The following KCNAB1 variants were observed in gnomAD, a reference collection of about 807,000 sequenced individuals.
KCNAB1 encodes the protein potassium voltage-gated channel subfamily A regulatory beta subunit 1, also known as voltage-gated potassium channel subunit beta-1.
A neutral mutation model predicts 64.6 loss-of-function variants in KCNAB1; 35 were observed. That is an observed-to-expected ratio of 0.54 (90% CI 0.41 to 0.72). KCNAB1 has a LOEUF of 0.72. KCNAB1 is among the 30% of genes least tolerant of loss of function. The probability of loss-of-function intolerance (pLI) is 0.00; values close to 1 mark genes in which losing one functional copy is unlikely to be tolerated. For synonymous variants in KCNAB1, 177 were observed against 183.8 expected (o/e 0.96, Z 0.30); for missense variants, 401 against 512.9 (o/e 0.78, Z 2.11).
At chr3:156,356,497 C>T (rs924819362) in intron 1 of KCNAB1, among the ~76,000 whole-genome samples, 9 of 152,128 alleles carry the variant, frequency 5.9e-5, no homozygotes, top group Non-Finnish European at 1.2e-4. Context: ...CAAAGAGGGG[C>T]GGTGACATCA....
intron 1 of KCNAB1, among the ~76,000 whole-genome samples, chr3:156,335,587 G>C (rs140729045): frequency 3.0e-4 from 46 of 152,240 alleles, no homozygotes; most frequent in African/African-American, 1.1e-3. Flanking sequence ...TCAATATCCA[G>C]ACATTATCTA....
At chr3:156,413,797 G>C (rs1374840480) in intron 1 of KCNAB1, among the ~76,000 whole-genome samples, 2 of 152,224 alleles carry the variant, frequency 1.3e-5, no homozygotes, top group Non-Finnish European at 2.9e-5. Context: ...CACTGTGCTA[G>C]GTGGTGGGAA....
chr3:156,259,096 C>T (rs953612071), intron 1 of KCNAB1, among the ~76,000 whole-genome samples: 7 of 152,192 alleles, frequency 4.6e-5, no homozygotes, highest in African/African-American at 1.4e-4. Context: ...CCTTTGAACA[C>T]CTTTGGGATC....
chr3:156,397,141 C>T (rs928012473), intron 1 of KCNAB1, among the ~76,000 whole-genome samples: 2 of 152,182 alleles, frequency 1.3e-5, no homozygotes, highest in African/African-American at 4.8e-5. Flanking sequence ...TTGAGAACTT[C>T]ATGACATCAT....
intron 1 of KCNAB1, among the ~76,000 whole-genome samples, chr3:156,398,273 A>G (rs1713615858): frequency 1.3e-5 from 2 of 152,072 alleles, no homozygotes; most frequent in Non-Finnish European, 2.9e-5. Context: ...TAGGACAAAT[A>G]CCTAATGCAT....
chr3:156,142,065 G>T (rs1714735357), intron 1 of KCNAB1, among the ~76,000 whole-genome samples: 1 of 152,106 alleles, frequency 6.6e-6, no homozygotes, highest in Admixed American at 6.5e-5. Flanking sequence ...TGAAATGTTT[G>T]TTCATATCTT....
At chr3:156,385,186 A>T (rs537113803) in intron 1 of KCNAB1, among the ~76,000 whole-genome samples, 9 of 152,310 alleles carry the variant, frequency 5.9e-5, no homozygotes, top group African/African-American at 2.2e-4. Flanking sequence ...TGAGGGAGAC[A>T]TCCGTGTTTG....
At chr3:156,172,982 A>G (rs1712106524) in intron 1 of KCNAB1, among the ~76,000 whole-genome samples, 1 of 152,244 alleles carries the variant, frequency 6.6e-6, no homozygotes, top group African/African-American at 2.4e-5. Flanking sequence ...TGTGGGTATT[A>G]CATTCACTTG....
intron 1 of KCNAB1, among the ~76,000 whole-genome samples, chr3:156,259,174 A>G (rs1386103563): frequency 1.3e-5 from 2 of 152,194 alleles, no homozygotes; most frequent in Non-Finnish European, 2.9e-5. Flanking sequence ...GCCTGAGGTT[A>G]ATGAGAAGAT....
intron 1 of KCNAB1, among the ~76,000 whole-genome samples, chr3:156,255,911 T>C (rs146766337): frequency 6.6e-6 from 1 of 152,342 alleles, no homozygotes; most frequent in East Asian, 1.9e-4. Flanking sequence ...CTGTGTAAGC[T>C]GCTTAAGGGG....
chr3:156,453,102 G>T, intron 3 of KCNAB1, 166 bp downstream of exon 3: 4 of 495,940 alleles, frequency 8.1e-6, no homozygotes, highest in Non-Finnish European at 1.4e-5. Context: ...TTTTCCTGTT[G>T]TATTTTTTAC....
At chr3:156,414,015 AG>A (rs1424135309) in intron 1 of KCNAB1, among the ~76,000 whole-genome samples, 1 of 152,214 alleles carries the variant, frequency 6.6e-6, no homozygotes, top group Non-Finnish European at 1.5e-5. Flanking sequence ...TATGGCTGAA[AG>A]CATTTACTTT....
intron 1 of KCNAB1, chr3:156,290,927 G>A (rs1264553816): frequency 7.2e-6 from 7 of 970,856 alleles, no homozygotes; most frequent in Non-Finnish European, 8.6e-6. Flanking sequence ...CTCTGACAAG[G>A]CTAATAACAG....
chr3:156,238,421 C>CAAAAAAA (rs745633828), intron 1 of KCNAB1, among the ~76,000 whole-genome samples: 1 of 71,800 alleles, frequency 1.4e-5, no homozygotes, highest in African/African-American at 4.9e-5. Context: ...GACTTGGTCT[C>CAAAAAAA]AAAAAAAAAA....
intron 1 of KCNAB1, among the ~76,000 whole-genome samples, chr3:156,301,687 G>A (rs556598357): frequency 6.6e-6 from 1 of 152,296 alleles, no homozygotes; most frequent in East Asian, 1.9e-4. Context: ...AGTTTCTCCA[G>A]AAGTGATCTT....
intron 1 of KCNAB1, among the ~76,000 whole-genome samples, chr3:156,148,594 G>A (rs1353154455): frequency 6.6e-6 from 1 of 152,144 alleles, no homozygotes; most frequent in Non-Finnish European, 1.5e-5. Flanking sequence ...ACTTCACAAT[G>A]GCATTATAAG....
At chr3:156,321,874 G>A (rs1294040174) in intron 1 of KCNAB1, among the ~76,000 whole-genome samples, 5 of 152,162 alleles carry the variant, frequency 3.3e-5, no homozygotes, top group Admixed American at 6.5e-5. Flanking sequence ...TAGATCTTAA[G>A]AGATGCATCT....
At chr3:156,472,480 T>C (rs575922792) in intron 7 of KCNAB1, among the ~76,000 whole-genome samples, 1 of 152,280 alleles carries the variant, frequency 6.6e-6, no homozygotes, top group South Asian at 2.1e-4. Context: ...GTTCATACCA[T>C]GGATTACAAG....
chr3:156,209,128 T>C (rs1197836941), intron 1 of KCNAB1, among the ~76,000 whole-genome samples: 1 of 152,148 alleles, frequency 6.6e-6, no homozygotes, highest in Non-Finnish European at 1.5e-5. Flanking sequence ...CATTTAGAGA[T>C]GATGAGTTCC....
Sources: allele counts gnomAD v4.1 joint callset (sites outside exome capture counted in the v4.1 genomes callset), GRCh38; gene constraint gnomAD v4.1.1; transcripts MANE v1.5; gene names NCBI Gene and HGNC (gene_info 2026-07-23, HGNC 2026-07-21).